Variants in COL19A1 observed in about 807,000 individuals in gnomAD.
COL19A1 encodes the protein collagen type XIX alpha 1 chain.
Under a neutral mutation model 190.2 loss-of-function variants are expected in COL19A1, and 159 were observed. The observed-to-expected ratio is 0.84, with a 90% CI of 0.73 to 0.95. COL19A1 has a LOEUF of 0.95. Among genes scored for constraint, COL19A1 ranks in the 40% least tolerant of loss-of-function variants. The pLI is 0.00. For synonymous variants in COL19A1, 509 were observed against 458.9 expected, an observed-to-expected ratio of 1.11 and a Z score of -1.39; for missense variants, 1,418 against 1,431.9, an observed-to-expected ratio of 0.99 and a Z score of 0.16.
intron 14 of COL19A1, among the ~76,000 whole-genome samples, chr6:70,059,608 C>T (rs1411107737): frequency 6.6e-6 from 1 of 152,168 alleles, no homozygotes; most frequent in East Asian, 1.9e-4. Context: ...AAATGGTTAG[C>T]TGGCTTGGAC....
In COL19A1 at chr6:70,207,363, G is replaced by GA; in HGVS notation, c.*89_*90insA. ...GTCAAACCCTCATCATCTGTGGGTT[G>GA]CTTTTTTTTTTTTTTTTTTTTTTTG... On this transcript the variant is annotated 3_prime_UTR_variant, in exon 51 of 51. Coordinates refer to ENST00000620364, the MANE Select transcript of COL19A1 (RefSeq NM_001858.6). The GA allele has an allele frequency of 2.4e-6, 1 of 409,330 alleles. No homozygotes were observed. The highest frequency in any genetic ancestry group is 3.3e-6 in the Non-Finnish European group (1 of 305,098). The allele number at this position is 409,330 out of a possible 1,614,324, so 25.4% of individuals were successfully genotyped here.
At chr6:70,070,404 A>G (rs541528599) in intron 15 of COL19A1, among the ~76,000 whole-genome samples, 7 of 152,254 alleles carry the variant, frequency 4.6e-5, no homozygotes, top group Non-Finnish European at 8.8e-5. Context: ...ATCTTCTATC[A>G]AGAGTAACAT....
chr6:70,212,104 G>A lies in COL19A1; in HGVS notation c.*4830G>A, dbSNP rs1768240544. Among the ~76,000 whole-genome samples the A allele has an allele frequency of 6.6e-6, 1 of 152,184 alleles. No individual in the cohort carries two copies. Among genetic ancestry groups the A allele is most frequent in the Non-Finnish European group, 1.5e-5 (1 of 68,028 alleles). ...GACCATACTAAGCTTCTGGGTGTAA[G>A]TAAAGATGCTGGCTATTTTACAACT... On this transcript the variant is annotated 3_prime_UTR_variant, in exon 51 of 51. Coordinates refer to ENST00000620364, the MANE Select transcript of COL19A1 (RefSeq NM_001858.6).
intron 6 of COL19A1, among the ~76,000 whole-genome samples, chr6:69,931,797 T>C (rs1356019111): frequency 6.6e-6 from 1 of 152,144 alleles, no homozygotes; most frequent in Non-Finnish European, 1.5e-5. Context: ...TAACGCATTC[T>C]ATGAACTGCA....
intron 18 of COL19A1, among the ~76,000 whole-genome samples, chr6:70,132,073 T>C (rs553147156): frequency 1.2e-4 from 18 of 152,142 alleles, no homozygotes; most frequent in Middle Eastern, 3.4e-3. Flanking sequence ...TTAAAAAGCG[T>C]GATTAACAGG....
chr6:69,931,449 A>G (rs547776526), intron 6 of COL19A1, among the ~76,000 whole-genome samples: 5 of 152,258 alleles, frequency 3.3e-5, no homozygotes, highest in African/African-American at 9.6e-5. Flanking sequence ...TAGTTAAGTA[A>G]AACAATTCAT....
chr6:69,936,815 G>A lies in COL19A1; in HGVS notation c.778G>A (p.Ala260Thr). The change falls in exon 8 of 51, where the codon GCA (alanine) becomes ACA (threonine). Residue 260 changes from alanine to threonine, a missense_variant. Transcript: ENST00000620364. Reference sequence around the variant, plus strand: ...AGAGCAGGATGGCTTTGGAAATATTGCATCATCATGGGTAACTGCTCATGC... The same window carrying A: ...AGAGCAGGATGGCTTTGGAAATATTACATCATCATGGGTAACTGCTCATGC... ...CPEQDGFGNIASSWVTAHASK... is the reference protein window; with the variant it reads ...CPEQDGFGNITSSWVTAHASK... 2 of 1,613,070 alleles carry A rather than the reference G, an allele frequency of 1.2e-6. No homozygotes were observed. Among genetic ancestry groups the A allele is most frequent in the Non-Finnish European group, 1.7e-6 (2 of 1,179,272 alleles).
At chr6:70,039,002 C>T (rs139151581) in intron 14 of COL19A1, among the ~76,000 whole-genome samples, 3,476 of 151,618 alleles carry the variant, frequency 0.023, 58 homozygotes, top group Non-Finnish European at 0.035. Context: ...TGCAGTGAGC[C>T]GAGATCGCGC....
rs575160699 is a variant in COL19A1, at chr6:69,932,974, A to T, written c.747+111A>T. 18 of 595,152 alleles carry T rather than the reference A, an allele frequency of 3.0e-5. No homozygotes were observed. In the South Asian group the frequency reaches 4.7e-4, roughly 15 times the overall value. 36.9% of individuals were successfully genotyped at this position (595,152 alleles called of 1,614,324 possible). The stretch of plus-strand genomic sequence containing the variant: ...GCACTGAGTGTGTTCTGTTGAAGCC[A>T]GGTGGGTAATTTATTCCTAGTAAGG... On this transcript the variant is annotated intron_variant, in intron 7 of 50. Transcript: ENST00000620364.
intron 15 of COL19A1, among the ~76,000 whole-genome samples, chr6:70,094,808 C>A (rs1783143897): frequency 6.6e-6 from 1 of 152,082 alleles, no homozygotes; most frequent in African/African-American, 2.4e-5. Context: ...TTAATAGTGA[C>A]CCTCTGTGTC....
In COL19A1 at chr6:70,207,338, G is replaced by A. The variant is rs113178987; in HGVS notation, c.*64G>A. 3,918 of 1,180,188 alleles carry A rather than the reference G, an allele frequency of 3.3e-3. 72 individuals carry two copies. In the African/African-American group the frequency reaches 0.045, roughly 14 times the overall value. The allele number at this position is 1,180,188 out of a possible 1,614,324, so 73.1% of individuals were successfully genotyped here. A position where few individuals can be genotyped will look rare whatever the true frequency, so the allele number is the denominator to read the frequency against. ...TTGCCACTGGAGCTCTCTTAATACC[G>A]TCAAACCCTCATCATCTGTGGGTTG... is the stretch of plus-strand genomic sequence containing the variant. On this transcript the variant is annotated 3_prime_UTR_variant, in exon 51 of 51. Transcript: ENST00000620364.
At chr6:69,939,891 C>A (rs1031886260) in intron 9 of COL19A1, among the ~76,000 whole-genome samples, 1 of 152,012 alleles carries the variant, frequency 6.6e-6, no homozygotes, top group Non-Finnish European at 1.5e-5. Context: ...TAAAGTGACA[C>A]CAAAATGCCT....
In COL19A1 at chr6:69,932,696, C is replaced by T; in HGVS notation, c.667-87C>T. 6 of 687,164 alleles carry T rather than the reference C, an allele frequency of 8.7e-6. No individual in the cohort carries two copies. In the Admixed American group the frequency reaches 9.0e-5, roughly 10 times the overall value. The allele number at this position is 687,164 out of a possible 1,614,324, so 42.6% of individuals were successfully genotyped here. A position where few individuals can be genotyped will look rare whatever the true frequency, so the allele number is the denominator to read the frequency against. On this transcript the variant is annotated intron_variant, in intron 6 of 50. Coordinates refer to ENST00000620364, the MANE Select transcript of COL19A1 (RefSeq NM_001858.6). ...ATTTATTTATATTAGCTTCCTTTTT[C>T]TTTCTGATTAAATTACTGTAGTTCT...
At chr6:69,983,822 A>T (rs1776174054) in intron 11 of COL19A1, among the ~76,000 whole-genome samples, 1 of 152,130 alleles carries the variant, frequency 6.6e-6, no homozygotes, top group Admixed American at 6.6e-5. Flanking sequence ...TTAAGAATGC[A>T]TAATTTTTTC....
intron 14 of COL19A1, among the ~76,000 whole-genome samples, chr6:70,067,864 G>C (rs998959538): frequency 6.6e-6 from 1 of 151,512 alleles, no homozygotes; most frequent in Non-Finnish European, 1.5e-5. Context: ...GGATTTCCTA[G>C]GACTTTGTTA....
intron 49 of COL19A1, among the ~76,000 whole-genome samples, chr6:70,202,937 G>T (rs192179129): frequency 2.6e-5 from 4 of 152,264 alleles, no homozygotes; most frequent in Admixed American, 2.6e-4. Flanking sequence ...TTGGCTTCCT[G>T]CTGTGCCTTG....
At chr6:69,921,364 A>G (rs979447443) in intron 4 of COL19A1, among the ~76,000 whole-genome samples, 51 of 108,142 alleles carry the variant, frequency 4.7e-4, no homozygotes, top group Non-Finnish European at 5.8e-4. Context: ...ATAATCATAT[A>G]TATCATATAT....
intron 9 of COL19A1, among the ~76,000 whole-genome samples, chr6:69,943,202 A>C (rs1334608500): frequency 6.6e-6 from 1 of 152,102 alleles, no homozygotes; most frequent in Non-Finnish European, 1.5e-5. Flanking sequence ...TCTTTTGAGA[A>C]GTGTCTATTC....
At chr6:69,946,565 G>A (rs192274211) in intron 9 of COL19A1, among the ~76,000 whole-genome samples, 4 of 151,986 alleles carry the variant, frequency 2.6e-5, no homozygotes, top group Admixed American at 2.6e-4. Context: ...ATTTTGGCTT[G>A]TGGGCAATAT....
Sources: allele counts gnomAD v4.1 joint callset (sites outside exome capture counted in the v4.1 genomes callset), GRCh38; gene constraint gnomAD v4.1.1; transcripts MANE v1.5; gene names NCBI Gene and HGNC (gene_info 2026-07-23, HGNC 2026-07-21).